Variants in ZNF395 observed in about 807,000 individuals in gnomAD.
ZNF395 encodes the protein zinc finger protein 395, also known as HD gene regulatory region-binding protein 2.
Under a neutral mutation model 57.7 loss-of-function variants are expected in ZNF395, and 20 were observed. The ratio of observed to expected loss-of-function variants is 0.35; its 90% CI spans 0.24 to 0.50. ZNF395 has a LOEUF of 0.50. Ranked by LOEUF, ZNF395 falls within the 20% of genes least tolerant of loss-of-function variation. ZNF395 has a pLI of 0.97. For synonymous variants in ZNF395, 295 were observed against 275.9 expected (o/e 1.07, Z -0.69); for missense variants, 606 against 671.2 (o/e 0.90, Z 1.07).
chr8:28,372,042 C>T (rs994003335), intron 1 of ZNF395, among the ~76,000 whole-genome samples: 2 of 145,790 alleles, frequency 1.4e-5, no homozygotes, highest in African/African-American at 5.0e-5. Context: ...GACCCTATCT[C>T]AAAAAAAAAA....
At chr8:28,381,014 AGTGTGTGTGTGTGTGTGTGT>A (rs10561721) in intron 1 of ZNF395, among the ~76,000 whole-genome samples, 11 of 134,212 alleles carry the variant, frequency 8.2e-5, no homozygotes, top group Admixed American at 2.2e-4. Flanking sequence ...ACACCCTGCT[AGTGTGTGTGTGTGTGTGTGT>A]GTGTGTGTGT....
rs58805614 is a variant in ZNF395 at position 28,348,259 on chromosome 8, CTTTTT to C, written c.*455_*459del. 36 of 90,476 alleles carry C rather than the reference CTTTTT, an allele frequency of 4.0e-4. 1 individual carries two copies. The highest frequency in any genetic ancestry group is 6.9e-4 in the Admixed American group (5 of 7,268). 5.6% of individuals were successfully genotyped at this position (90,476 alleles called of 1,614,324 possible). A position where few individuals can be genotyped will look rare whatever the true frequency, so the allele number is the denominator to read the frequency against. Reference sequence around the variant, plus strand: ...CTGAGTCACCCATCAGCCAGAAACTCTTTTTTTTTTTTTTTTTTTTTTTTTTTAAG... The same window carrying C: ...CTGAGTCACCCATCAGCCAGAAACTCTTTTTTTTTTTTTTTTTTTTTTAAG... On this transcript the variant is annotated 3_prime_UTR_variant, in exon 10 of 10. Coordinates refer to ENST00000344423, the MANE Select transcript of ZNF395 (RefSeq NM_018660.3).
At chr8:28,373,359 G>A (rs781224798) in intron 1 of ZNF395, among the ~76,000 whole-genome samples, 1 of 152,216 alleles carries the variant, frequency 6.6e-6, no homozygotes, top group Non-Finnish European at 1.5e-5. Flanking sequence ...TCTATAGAGA[G>A]ATAGAGATGA....
At chr8:28,386,042 C>CCGGCTCGGA (rs1232784965) in intron 1 of ZNF395, 7 of 147,284 alleles carry the variant, frequency 4.8e-5, no homozygotes, top group Admixed American at 3.4e-4. Flanking sequence ...CCCGGCTTCC[C>CCGGCTCGGA]CGGCTCGGAC....
chr8:28,354,854 A>G lies in ZNF395; in HGVS notation c.584-1446T>C, dbSNP rs1351229407. 2.0e-5 allele frequency among the ~76,000 whole-genome samples: 3 copies of G among 151,468 alleles called. No homozygotes were observed. In the East Asian group the frequency reaches 5.8e-4, roughly 29 times the overall value. ...GGGAGAGAAGGGCAGTGAGCAGAATACTACATGGCAACATCTAGGATGCTC... is the reference window on the plus strand; with the variant it reads ...GGGAGAGAAGGGCAGTGAGCAGAATGCTACATGGCAACATCTAGGATGCTC... On this transcript the variant is annotated intron_variant, in intron 4 of 9. Transcript: ENST00000344423.
At position 28,347,414 on chromosome 8, in the gene ZNF395, G is replaced by A. The variant is rs1801618113; in HGVS notation, c.*1305C>T. 1 of 152,360 alleles carries A rather than the reference G, an allele frequency of 6.6e-6. No individual in the cohort carries two copies. The highest frequency in any genetic ancestry group is 2.1e-4 in the South Asian group (1 of 4,826). The allele number at this position is 152,360 out of a possible 1,614,324, so 9.4% of individuals were successfully genotyped here. A position where few individuals can be genotyped will look rare whatever the true frequency, so the allele number is the denominator to read the frequency against. ...AAACAGAAACATGCCCTGCCATCCG[G>A]GCGTGGCTCACTCTGTCTTCGCGCA... On this transcript the variant is annotated 3_prime_UTR_variant, in exon 10 of 10. Coordinates refer to ENST00000344423, the MANE Select transcript of ZNF395 (RefSeq NM_018660.3).
intron 1 of ZNF395, among the ~76,000 whole-genome samples, chr8:28,371,964 G>T (rs1043426110): frequency 2.6e-5 from 4 of 152,004 alleles, no homozygotes; most frequent in Admixed American, 6.6e-5. Flanking sequence ...TATGAGAATT[G>T]CTTGTACCTA....
At chr8:28,364,119 G>C (rs984830945) in intron 1 of ZNF395, among the ~76,000 whole-genome samples, 5 of 152,198 alleles carry the variant, frequency 3.3e-5, no homozygotes, top group Non-Finnish European at 7.3e-5. Flanking sequence ...AAAAGGATCT[G>C]AGATGAACCA....
chr8:28,350,087 A>AG lies in ZNF395; in HGVS notation c.1302dup (p.Ser435LeufsTer50), dbSNP rs1801662103. 6.2e-7 allele frequency: 1 copy of AG among 1,605,306 alleles called. No individual in the cohort carries two copies. On this transcript the variant is annotated frameshift_variant, in exon 8 of 10. Transcript: ENST00000344423. LOFTEE classifies it high-confidence loss of function. ...ACCGGAGAGAGAGAGCAGGCGGCGG[A>AG]GGGGGCAGCAGCCCAGCTGACACTG... is the stretch of plus-strand genomic sequence containing the variant.
At chr8:28,369,503 T>C (rs1463562661) in intron 1 of ZNF395, among the ~76,000 whole-genome samples, 1 of 152,238 alleles carries the variant, frequency 6.6e-6, no homozygotes, top group Non-Finnish European at 1.5e-5. Flanking sequence ...CAGTGTTCCA[T>C]GCTTGGAGCT....
At chr8:28,353,971 T>C (rs1263078097) in intron 4 of ZNF395, among the ~76,000 whole-genome samples, 2 of 152,170 alleles carry the variant, frequency 1.3e-5, no homozygotes, top group African/African-American at 2.4e-5. Flanking sequence ...GGCCAGTCCA[T>C]AGAAACCTGT....
chr8:28,350,619 C>T (rs1282567852), intron 7 of ZNF395, among the ~76,000 whole-genome samples: 1 of 152,230 alleles, frequency 6.6e-6, no homozygotes, highest in Non-Finnish European at 1.5e-5. Context: ...ACACCAGCTA[C>T]ATGTCTGGGC....
intron 1 of ZNF395, among the ~76,000 whole-genome samples, chr8:28,374,886 T>C (rs113084987): frequency 2.0e-5 from 3 of 152,328 alleles, no homozygotes; most frequent in African/African-American, 7.2e-5. Flanking sequence ...TCTGTGGTTT[T>C]GACTCTTTCA....
chr8:28,384,668 C>A (rs532072548), intron 1 of ZNF395, among the ~76,000 whole-genome samples: 1 of 152,126 alleles, frequency 6.6e-6, no homozygotes, highest in African/African-American at 2.4e-5. Flanking sequence ...ACTTTCTTCT[C>A]CTCTTGTCTT....
At chr8:28,361,465 C>T (rs942463071) in intron 1 of ZNF395, among the ~76,000 whole-genome samples, 1 of 152,164 alleles carries the variant, frequency 6.6e-6, no homozygotes, top group Non-Finnish European at 1.5e-5. Context: ...TGTATTTTTA[C>T]TTAACTGTGT....
intron 1 of ZNF395, chr8:28,375,221 T>TAA (rs149671630): frequency 6.6e-6 from 1 of 151,968 alleles, no homozygotes; most frequent in East Asian, 1.9e-4. Flanking sequence ...ACCCTGTCTC[T>TAA]AAAAAAAATT....
intron 1 of ZNF395, chr8:28,375,382 T>C (rs1456905635): frequency 7.0e-6 from 1 of 142,216 alleles, no homozygotes; most frequent in African/African-American, 2.7e-5. Flanking sequence ...TGCAAGACTG[T>C]CTAAAAAAAA....
At chr8:28,368,451 A>G (rs1402942455) in intron 1 of ZNF395, 1 of 152,190 alleles carries the variant, frequency 6.6e-6, no homozygotes, top group Admixed American at 6.5e-5. Flanking sequence ...AAGGTCACCT[A>G]TTTGTCCAAA....
At chr8:28,384,204 A>C (rs979662875) in intron 1 of ZNF395, among the ~76,000 whole-genome samples, 8 of 152,136 alleles carry the variant, frequency 5.3e-5, no homozygotes, top group African/African-American at 9.7e-5. Context: ...AAAAACCCTG[A>C]ATGTCTCCTT....
Sources: allele counts gnomAD v4.1 joint callset (sites outside exome capture counted in the v4.1 genomes callset), GRCh38; gene constraint gnomAD v4.1.1; transcripts MANE v1.5; gene names NCBI Gene and HGNC (gene_info 2026-07-23, HGNC 2026-07-21).